Variants in HSDL2 observed in about 807,000 individuals in gnomAD.
HSDL2 encodes hydroxysteroid dehydrogenase like 2, also known as hydroxysteroid dehydrogenase-like protein 2.
In HSDL2, 27 loss-of-function variants were observed where a neutral mutation model predicts 46.3. The observed-to-expected ratio is 0.58, with a 90% CI of 0.43 to 0.80. HSDL2 has a LOEUF of 0.80. HSDL2 is among the 30% of genes least tolerant of loss of function. The probability of loss-of-function intolerance (pLI) is 0.00; values close to 1 mark genes in which losing one functional copy is unlikely to be tolerated. For synonymous variants in HSDL2, 153 were observed against 163.6 expected (o/e 0.94, Z 0.50); for missense variants, 451 against 502.7 (o/e 0.90, Z 0.98).
At position 112,470,718 on chromosome 9, in the gene HSDL2, A is replaced by G. The variant is rs767585237; in HGVS notation, c.*174A>G. The G allele has an allele frequency of 1.1e-4, 53 of 492,976 alleles. No individual in the cohort carries two copies. Among genetic ancestry groups the G allele is most frequent in the Non-Finnish European group, 1.8e-4 (51 of 279,058 alleles). 30.5% of individuals were successfully genotyped at this position (492,976 alleles called of 1,614,324 possible). A position where few individuals can be genotyped will look rare whatever the true frequency, so the allele number is the denominator to read the frequency against. On this transcript the variant is annotated 3_prime_UTR_variant, in exon 11 of 11. Coordinates refer to ENST00000398805, the MANE Select transcript of HSDL2 (RefSeq NM_032303.5). ...GAAATTGTAATTAAAATGGCAAGCT[A>G]ATCAAACATAAGCTTCATTAAGTGG...
rs3739696 is a variant in HSDL2, at chr9:112,454,041, A to G, written c.894A>G (p.Lys298=). The G allele has an allele frequency of 3.6e-3, 5,821 of 1,613,916 alleles. 298 individuals carry two copies. The East Asian group carries it at 0.11, about 30-fold the overall frequency. ...CTGTTCCAGAATTCAAAGAAGAGAAACTGCAGCTGCAACCAAAACCACGTT... is the reference window on the plus strand; with the variant it reads ...CTGTTCCAGAATTCAAAGAAGAGAAGCTGCAGCTGCAACCAAAACCACGTT... The part of the protein sequence containing the change: ...TGAVPEFKEE[K]LQLQPKPRSG... Residue 298 remains lysine (K), a synonymous_variant, in exon 9 of 11, where the codon AAA becomes AAG. Coordinates refer to ENST00000398805, the MANE Select transcript of HSDL2 (RefSeq NM_032303.5).
At chr9:112,421,327 T>G (rs758283594) in intron 6 of HSDL2, among the ~76,000 whole-genome samples, 11 of 152,074 alleles carry the variant, frequency 7.2e-5, no homozygotes, top group Non-Finnish European at 1.5e-4. Context: ...AGTGAGATCC[T>G]GTCTCAAAAA....
intron 1 of HSDL2, among the ~76,000 whole-genome samples, chr9:112,381,365 CT>C (rs944081795): frequency 1.0e-3 from 151 of 151,514 alleles, no homozygotes; most frequent in African/African-American, 3.4e-3. Context: ...CTTCCGCCTC[CT>C]TTTTTTTTCT....
intron 9 of HSDL2, among the ~76,000 whole-genome samples, chr9:112,458,128 G>A (rs1833087750): frequency 6.6e-6 from 1 of 151,560 alleles, no homozygotes; most frequent in East Asian, 1.9e-4. Flanking sequence ...TTCCTCACAC[G>A]TGCTGCACTC....
At chr9:112,400,562 G>A (rs865844438) in intron 1 of HSDL2, among the ~76,000 whole-genome samples, 16 of 152,204 alleles carry the variant, frequency 1.1e-4, no homozygotes, top group South Asian at 2.1e-4. Flanking sequence ...AGCCAAGATC[G>A]TGCCACTGCA....
At chr9:112,406,569 C>T (rs1336305906) in intron 3 of HSDL2, among the ~76,000 whole-genome samples, 1 of 152,056 alleles carries the variant, frequency 6.6e-6, no homozygotes, top group Non-Finnish European at 1.5e-5. Context: ...CTCCTGGGTT[C>T]AAGCGATTCT....
Position 112,405,557 on chromosome 9 carries a change from A to G in HSDL2, c.182-67A>G, listed in dbSNP as rs563090473. ...AGGGTACTTTTTTCTTTTGACTGTG[A>G]TATTGGAATTAAAGGTATAATATTT... On this transcript the variant is annotated intron_variant, in intron 2 of 10. Coordinates refer to ENST00000398805, the MANE Select transcript of HSDL2 (RefSeq NM_032303.5). The G allele has an allele frequency of 9.2e-5, 102 of 1,105,018 alleles. 4 individuals carry two copies. The South Asian group carries it at 1.3e-3, about 14-fold the overall frequency. 68.5% of individuals were successfully genotyped at this position (1,105,018 alleles called of 1,614,324 possible).
intron 10 of HSDL2, among the ~76,000 whole-genome samples, chr9:112,464,649 T>G (rs972856471): frequency 1.3e-5 from 2 of 152,212 alleles, no homozygotes; most frequent in African/African-American, 4.8e-5. Context: ...TTTAAATTAG[T>G]AATTCAATTT....
chr9:112,443,146 C>T (rs1428403784), intron 8 of HSDL2, among the ~76,000 whole-genome samples: 5 of 152,154 alleles, frequency 3.3e-5, no homozygotes, highest in East Asian at 3.8e-4. Flanking sequence ...TCCCAAACTC[C>T]GATTTTTGCC....
rs200515989 is a variant in HSDL2 at position 112,404,010 on chromosome 9, T to C, written c.33T>C (p.Cys11=). The C allele has an allele frequency of 4.5e-5, 72 of 1,614,130 alleles. No homozygotes were observed. The Middle Eastern group carries it at 6.6e-4, about 15-fold the overall frequency. The change falls in exon 2 of 11, where the codon TGT becomes TGC. Residue 11 remains cysteine (C), a synonymous_variant. Coordinates refer to ENST00000398805, the MANE Select transcript of HSDL2 (RefSeq NM_032303.5). ...TCTGTTGTAGGAGGCTGGCAGGATG[T>C]ACAGTTTTTATCACAGGTGCAAGCC... MLPNTGRLAG[C]TVFITGASRG... is the part of the protein sequence containing the mutation.
intron 10 of HSDL2, among the ~76,000 whole-genome samples, chr9:112,459,981 A>G (rs1016204043): frequency 2.0e-5 from 3 of 152,176 alleles, no homozygotes; most frequent in Non-Finnish European, 4.4e-5. Context: ...AGCTGTTTCA[A>G]TAGGAAACAC....
At position 112,418,855 on chromosome 9, in the gene HSDL2, T is replaced by C; in HGVS notation, c.500-5T>C. 4 of 1,509,168 alleles carry C rather than the reference T, an allele frequency of 2.7e-6. No individual in the cohort carries two copies. The highest frequency in any genetic ancestry group is 3.6e-6 in the Non-Finnish European group (4 of 1,110,040). The allele number at this position is 1,509,168 out of a possible 1,614,324, so 93.5% of individuals were successfully genotyped here. The stretch of plus-strand genomic sequence containing the variant: ...TTAAATTATTATTTTTTGTGGTTCT[T>C]TCAGCTTATACCATTGCTAAGTATG... On this transcript the variant is annotated splice_region_variant and splice_polypyrimidine_tract_variant and intron_variant, in intron 5 of 10. Coordinates refer to ENST00000398805, the MANE Select transcript of HSDL2 (RefSeq NM_032303.5).
chr9:112,439,989 T>G (rs1421411220), intron 7 of HSDL2, among the ~76,000 whole-genome samples: 1 of 152,184 alleles, frequency 6.6e-6, no homozygotes, highest in Non-Finnish European at 1.5e-5. Context: ...GCCCAGCATA[T>G]AGTACACTCA....
intron 10 of HSDL2, among the ~76,000 whole-genome samples, chr9:112,467,797 T>C (rs1285536523): frequency 2.0e-5 from 3 of 152,168 alleles, no homozygotes; most frequent in South Asian, 2.1e-4. Context: ...AGTCCACTTT[T>C]TCCCCGGAGC....
chr9:112,405,617 A>T lies in HSDL2; in HGVS notation c.182-7A>T. The T allele has an allele frequency of 6.3e-7, 1 of 1,582,058 alleles. No homozygotes were observed. The highest frequency in any genetic ancestry group is 8.7e-7 in the Non-Finnish European group (1 of 1,155,218). ...AACGCTTTTTCATTTTGTATCCTTT[A>T]TATAAGTTGAAGCAGTTGGAGGAAA... On this transcript the variant is annotated splice_polypyrimidine_tract_variant and splice_region_variant and intron_variant, in intron 2 of 10. Transcript: ENST00000398805.
At chr9:112,453,948 TTAA>T in intron 8 of HSDL2, 62 bp from the exon 9 acceptor site, 4 of 1,499,900 alleles carry the variant, frequency 2.7e-6, no homozygotes, top group Non-Finnish European at 3.6e-6. Context: ...TGCTGATTAA[TTAA>T]TTCTGTGTGG....
Position 112,412,841 on chromosome 9 carries a change from C to T in HSDL2, c.395+3820C>T, listed in dbSNP as rs189154904. Among the ~76,000 whole-genome samples, 622 of 152,136 alleles carry T rather than the reference C, an allele frequency of 4.1e-3. 4 individuals carry two copies. The highest frequency in any genetic ancestry group is 0.014 in the Middle Eastern group (4 of 292). On this transcript the variant is annotated intron_variant, in intron 4 of 10. Coordinates refer to ENST00000398805, the MANE Select transcript of HSDL2 (RefSeq NM_032303.5). The stretch of plus-strand genomic sequence containing the variant: ...AAAACAGACCAGGTGGGGTGGCTCA[C>T]GCTTGTAATCTCAGCACTTTGGGAG...
At chr9:112,428,361 T>C (rs546839136) in intron 6 of HSDL2, among the ~76,000 whole-genome samples, 1 of 152,386 alleles carries the variant, frequency 6.6e-6, no homozygotes, top group East Asian at 1.9e-4. Context: ...ATTGCTTCTT[T>C]GTTTCCTTTA....
intron 1 of HSDL2, among the ~76,000 whole-genome samples, chr9:112,403,072 T>C (rs563861317): frequency 6.6e-6 from 1 of 152,362 alleles, no homozygotes; most frequent in South Asian, 2.1e-4. Flanking sequence ...TGAGCGTTTG[T>C]TTATTTAACA....
Sources: allele counts gnomAD v4.1 joint callset (sites outside exome capture counted in the v4.1 genomes callset), GRCh38; gene constraint gnomAD v4.1.1; transcripts MANE v1.5; gene names NCBI Gene and HGNC (gene_info 2026-07-23, HGNC 2026-07-21).